Variants in ECE1 observed in about 807,000 individuals in gnomAD.
ECE1 encodes endothelin converting enzyme 1, also known as endothelin-converting enzyme 1.
Under a neutral mutation model 98.6 loss-of-function variants are expected in ECE1, and 35 were observed. The observed-to-expected ratio is 0.35, with a 90% CI of 0.27 to 0.47. ECE1 has a LOEUF of 0.47. ECE1 is among the 20% of genes least tolerant of loss of function. The pLI is 1.00. For missense variants in ECE1, 814 were observed against 1,025.3 expected (o/e 0.79, Z 2.81); for synonymous variants, 394 against 407.1 (o/e 0.97, Z 0.39).
intron 12 of ECE1, among the ~76,000 whole-genome samples, chr1:21,236,139 G>C (rs2098187702): frequency 6.6e-6 from 1 of 152,216 alleles, no homozygotes; most frequent in South Asian, 2.1e-4. Flanking sequence ...TTTCCCAAGG[G>C]AAGTCTTCCC....
intron 1 of ECE1, among the ~76,000 whole-genome samples, chr1:21,295,790 C>A (rs572400096): frequency 2.0e-4 from 30 of 152,328 alleles, no homozygotes; most frequent in African/African-American, 6.3e-4. Context: ...CTTTGTGGAA[C>A]AGAGTTAGAA....
intron 2 of ECE1, among the ~76,000 whole-genome samples, chr1:21,286,006 A>AAAGAG (rs1194111842): frequency 4.6e-5 from 7 of 151,962 alleles, no homozygotes; most frequent in African/African-American, 1.7e-4. Context: ...AAAAAAAAAA[A>AAAGAG]AAGAGAAGAG....
chr1:21,276,731 G>A (rs549445484), intron 3 of ECE1, among the ~76,000 whole-genome samples: 1 of 149,318 alleles, frequency 6.7e-6, no homozygotes, highest in Non-Finnish European at 1.5e-5. Context: ...TGTCGCCCAG[G>A]CTGGAGTGCA....
chr1:21,286,094 T>A (rs995564213), intron 2 of ECE1, among the ~76,000 whole-genome samples: 12 of 152,224 alleles, frequency 7.9e-5, no homozygotes, highest in Non-Finnish European at 1.8e-4. Flanking sequence ...TCTTTTTTTC[T>A]TAACAACAAC....
rs1003005269 is a variant in ECE1 at position 21,219,838 on chromosome 1, G to C, written c.*117C>G. ...CTCGGTTCCGGCTGAAAACCCGCCA[G>C]TGTGAGGAAGCAGGGCCCCGGGTGG... On this transcript the variant is annotated 3_prime_UTR_variant, in exon 19 of 19. Transcript: ENST00000374893. This position sits in a 1 kb window ranked among gnomAD's most constrained non-coding sequence, Gnocchi z 4.5. 2 of 1,365,666 alleles carry C rather than the reference G, an allele frequency of 1.5e-6. No individual in the cohort carries two copies. The highest frequency in any genetic ancestry group is 2.0e-6 in the Non-Finnish European group (2 of 980,312). The allele number at this position is 1,365,666 out of a possible 1,614,324, so 84.6% of individuals were successfully genotyped here. A position where few individuals can be genotyped will look rare whatever the true frequency, so the allele number is the denominator to read the frequency against.
chr1:21,271,789 G>A (rs1319944123), intron 4 of ECE1, among the ~76,000 whole-genome samples: 3 of 152,132 alleles, frequency 2.0e-5, no homozygotes, highest in Non-Finnish European at 4.4e-5. Flanking sequence ...GTGAACTAGA[G>A]GTGCCCAAGG....
intron 2 of ECE1, chr1:21,279,749 G>A: frequency 8.1e-7 from 1 of 1,239,316 alleles, no homozygotes; most frequent in Non-Finnish European, 1.0e-6. Flanking sequence ...GGGTGACACA[G>A]CCATGGCTCA....
In ECE1 at chr1:21,221,736, A is replaced by T. The variant is rs2098167719; in HGVS notation, c.2136+11T>A. 6.2e-7 allele frequency: 1 copy of T among 1,613,512 alleles called. No homozygotes were observed. The highest frequency in any genetic ancestry group is 8.5e-7 in the Non-Finnish European group (1 of 1,179,540). On this transcript the variant is annotated intron_variant, in intron 18 of 18. Transcript: ENST00000374893. ...TGTACCATGTGTGGCATGTTTTCCT[A>T]ATGGACTCACCTGTGCAAAGCCCAG...
chr1:21,230,674 C>A (rs1021133838), intron 14 of ECE1, among the ~76,000 whole-genome samples: 1 of 152,088 alleles, frequency 6.6e-6, no homozygotes, highest in Non-Finnish European at 1.5e-5. Flanking sequence ...GCGTGAGCCA[C>A]CACGCCTGGC....
At chr1:21,339,925 G>A (rs1639370259) in intron 1 of ECE1, among the ~76,000 whole-genome samples, 1 of 152,190 alleles carries the variant, frequency 6.6e-6, no homozygotes, top group Admixed American at 6.5e-5. Flanking sequence ...CTGGACTCCA[G>A]TGCCACCCTG....
intron 6 of ECE1, 136 bp from the exon 7 acceptor site, chr1:21,257,726 C>G: frequency 1.1e-6 from 1 of 909,374 alleles, no homozygotes; most frequent in Non-Finnish European, 1.8e-6. Context: ...GGACTGCTGG[C>G]TACAGTCACT....
At chr1:21,298,664 G>C in intron 1 of ECE1, 1 of 439,202 alleles carries the variant, frequency 2.3e-6, no homozygotes, top group South Asian at 1.6e-5. Context: ...TCAGCTCCTT[G>C]CAAGTGTGAA....
intron 17 of ECE1, among the ~76,000 whole-genome samples, chr1:21,223,999 C>T (rs1295344458): frequency 6.6e-6 from 1 of 152,138 alleles, no homozygotes; most frequent in Non-Finnish European, 1.5e-5. Flanking sequence ...AAGGTCCTTC[C>T]TTAGCCGCAG....
intron 1 of ECE1, among the ~76,000 whole-genome samples, chr1:21,300,661 C>T (rs967609662): frequency 2.1e-4 from 32 of 152,214 alleles, no homozygotes; most frequent in African/African-American, 7.5e-4. Flanking sequence ...GTCTCAAACT[C>T]CTGACCTCAA....
At chr1:21,269,195 G>A (rs1473403786) in intron 4 of ECE1, among the ~76,000 whole-genome samples, 1 of 152,198 alleles carries the variant, frequency 6.6e-6, no homozygotes, top group African/African-American at 2.4e-5. Context: ...CAGGCTTTGA[G>A]GTCCCACAGC....
rs1222086385 is a variant in ECE1 at position 21,340,330 on chromosome 1, T to G, written c.3+5046A>C. Among the ~76,000 whole-genome samples the G allele has an allele frequency of 6.6e-6, 1 of 152,252 alleles. No homozygotes were observed. Among genetic ancestry groups the G allele is most frequent in the Non-Finnish European group, 1.5e-5 (1 of 68,048 alleles). Reference sequence around the variant, plus strand: ...TGTCTGGGGCCACAGCCTCCTTCTGTCTTCACTGACTGCTCTGGGCAGCAT... The same window carrying G: ...TGTCTGGGGCCACAGCCTCCTTCTGGCTTCACTGACTGCTCTGGGCAGCAT... On this transcript the variant is annotated intron_variant, in intron 1 of 18. Transcript: ENST00000415912. This position sits in a 1 kb window ranked among gnomAD's most constrained non-coding sequence, Gnocchi z 4.6.
chr1:21,302,122 C>G lies in ECE1; in HGVS notation c.4-11966G>C, dbSNP rs1200331434. Among the ~76,000 whole-genome samples the G allele has an allele frequency of 3.3e-5, 5 of 152,318 alleles. No homozygotes were observed. In the East Asian group the frequency reaches 9.6e-4, roughly 29 times the overall value. On this transcript the variant is annotated intron_variant, in intron 1 of 18. Coordinates refer to the ECE1 transcript ENST00000415912. ...CAGTGCATTCTCAGAGTGGGGAGAC[C>G]CAGCGGGTATTAGGTCTTAGTCAGA...
intron 1 of ECE1, among the ~76,000 whole-genome samples, chr1:21,335,926 G>T (rs1005445299): frequency 5.3e-5 from 8 of 152,228 alleles, no homozygotes; most frequent in Non-Finnish European, 1.0e-4. Flanking sequence ...TCTCCAGGGA[G>T]GGAGGCCCTT....
At chr1:21,283,237 G>A (rs962098568) in intron 2 of ECE1, among the ~76,000 whole-genome samples, 1 of 151,036 alleles carries the variant, frequency 6.6e-6, no homozygotes, top group Non-Finnish European at 1.5e-5. Flanking sequence ...GAGCCACAGC[G>A]CCCGGCCCAT....
Sources: gnomAD v4.1 joint callset for allele counts (sites outside exome capture counted in the v4.1 genomes callset) on GRCh38, gnomAD v4.1.1 for gene constraint, Gnocchi (gnomAD v3.1) non-coding constraint, MANE v1.5 for transcripts, NCBI Gene and HGNC (gene_info 2026-07-23, HGNC 2026-07-21) for gene names.